GPHN: variants seen among roughly 807,000 people sequenced by gnomAD.
GPHN encodes the protein gephyrin.
In GPHN, 17 loss-of-function variants were observed where a neutral mutation model predicts 95.5. That is an observed-to-expected ratio of 0.18 (90% confidence interval 0.12 to 0.27). The LOEUF (loss-of-function observed/expected upper bound fraction) is 0.27, where lower values mean the gene tolerates loss of function less well. Among genes scored for constraint, GPHN ranks in the 10% least tolerant of loss-of-function variants. GPHN has a pLI of 1.00. For synonymous variants in GPHN, 320 were observed against 322.5 expected, an observed-to-expected ratio of 0.99 and a Z score of 0.08; for missense variants, 660 against 978.1, an observed-to-expected ratio of 0.67 and a Z score of 4.34.
chr14:66,757,170 A>G (rs907032034), intron 2 of GPHN, among the ~76,000 whole-genome samples: 1 of 152,164 alleles, frequency 6.6e-6, no homozygotes, highest in Non-Finnish European at 1.5e-5. Context: ...TGAAAAAATT[A>G]AAACTCATTG....
At chr14:66,592,832 A>G (rs1054555410) in intron 1 of GPHN, among the ~76,000 whole-genome samples, 2 of 152,206 alleles carry the variant, frequency 1.3e-5, no homozygotes, top group South Asian at 2.1e-4. Context: ...TCATTCTACT[A>G]TAAGGACACA....
the GPHN span, chr14:67,203,232 A>G: frequency 6.2e-7 from 1 of 1,612,866 alleles, no homozygotes; most frequent in Non-Finnish European, 8.5e-7. Context: ...CCAAAAAGAT[A>G]CAGAAACCCT....
At chr14:67,147,672 G>A (rs1349437700) in intron 18 of GPHN, among the ~76,000 whole-genome samples, 2 of 152,164 alleles carry the variant, frequency 1.3e-5, no homozygotes, top group African/African-American at 4.8e-5. Context: ...AAAGTGCTGG[G>A]ATTATAGGCG....
intron 19 of GPHN, among the ~76,000 whole-genome samples, chr14:67,163,566 G>T (rs965538774): frequency 6.6e-6 from 1 of 152,050 alleles, no homozygotes; most frequent in Admixed American, 6.5e-5. Context: ...TAGTACTCTT[G>T]TGACCTAACA....
the GPHN span, among the ~76,000 whole-genome samples, chr14:67,603,085 G>GTTTTGTTTTGTTTT: frequency 1.8e-4 from 3 of 16,286 alleles, no homozygotes; most frequent in Admixed American, 5.9e-4. Flanking sequence ...TGTTTTGTTT[G>GTTTTGTTTTGTTTT]AGGCAAGGTC....
chr14:66,889,404 A>G (rs2064357771), intron 5 of GPHN, among the ~76,000 whole-genome samples: 1 of 152,202 alleles, frequency 6.6e-6, no homozygotes, highest in Non-Finnish European at 1.5e-5. Flanking sequence ...ATTGCAAAAT[A>G]GTATATTCTT....
chr14:66,796,007 G>C (rs920821549), intron 3 of GPHN, among the ~76,000 whole-genome samples: 1 of 151,862 alleles, frequency 6.6e-6, no homozygotes, highest in Non-Finnish European at 1.5e-5. Flanking sequence ...CTAGCCTCTG[G>C]TAACCATCTT....
At chr14:67,165,130 A>G (rs548743403) in intron 19 of GPHN, 32 bp from the exon 20 acceptor site, 10 of 1,463,952 alleles carry the variant, frequency 6.8e-6, no homozygotes, top group Admixed American at 3.3e-5. Flanking sequence ...TTGCTTAGCA[A>G]TCACTAACAA....
chr14:66,552,537 C>T (rs1430637751), intron 1 of GPHN, among the ~76,000 whole-genome samples: 1 of 152,116 alleles, frequency 6.6e-6, no homozygotes, highest in East Asian at 1.9e-4. Flanking sequence ...TTCTGTAAGT[C>T]TACATATCCA....
At chr14:67,044,027 A>G (rs909002293) in intron 10 of GPHN, among the ~76,000 whole-genome samples, 1 of 152,010 alleles carries the variant, frequency 6.6e-6, no homozygotes, top group Non-Finnish European at 1.5e-5. Flanking sequence ...TGTTTATACT[A>G]TTATCTGATG....
the GPHN span, chr14:67,442,055 A>G: frequency 2.6e-5 from 4 of 153,132 alleles, no homozygotes; most frequent in Middle Eastern, 1.8e-3. Flanking sequence ...TTAGAAGAAG[A>G]TGACTATAAT....
chr14:67,308,406 C>T, the GPHN span, among the ~76,000 whole-genome samples: 1 of 151,214 alleles, frequency 6.6e-6, no homozygotes, highest in African/African-American at 2.4e-5. Context: ...TTCCATTAAG[C>T]TAATCCCAAA....
At chr14:66,610,058 G>A (rs2062713366) in intron 1 of GPHN, among the ~76,000 whole-genome samples, 1 of 152,100 alleles carries the variant, frequency 6.6e-6, no homozygotes, top group African/African-American at 2.4e-5. Flanking sequence ...GAGTGGGCTG[G>A]TGTTCCTTTA....
At chr14:66,940,018 G>A (rs1304041502) in intron 8 of GPHN, among the ~76,000 whole-genome samples, 1 of 152,096 alleles carries the variant, frequency 6.6e-6, no homozygotes, top group Admixed American at 6.5e-5. Context: ...GGGAGAAGGG[G>A]GACCAAAAGC....
chr14:66,631,883 A>G (rs933649608), intron 1 of GPHN, among the ~76,000 whole-genome samples: 2 of 152,094 alleles, frequency 1.3e-5, no homozygotes, highest in Non-Finnish European at 2.9e-5. Context: ...GTTTCCTATC[A>G]TTGCTTCTAA....
At chr14:66,783,903 TGGGGGA>T (rs2059686500) in intron 3 of GPHN, among the ~76,000 whole-genome samples, 1 of 152,096 alleles carries the variant, frequency 6.6e-6, no homozygotes, top group African/African-American at 2.4e-5. Flanking sequence ...CATTGCGACA[TGGGGGA>T]CATCTGCTAA....
rs537625427 is a variant in GPHN, at chr14:66,708,797, A to T, written c.143+27612A>T. 3.3e-5 allele frequency among the ~76,000 whole-genome samples: 5 copies of T among 152,230 alleles called. No homozygotes were observed. The South Asian group carries it at 1.0e-3, about 32-fold the overall frequency. ...CACATGACATGCTGGACTGTAGATT[A>T]TATGGTTGCATGTTTTTCTTCCACT... On this transcript the variant is annotated intron_variant, in intron 2 of 22. Transcript: ENST00000478722.
chr14:66,913,537 T>C (rs2065772144), intron 5 of GPHN, among the ~76,000 whole-genome samples: 1 of 152,110 alleles, frequency 6.6e-6, no homozygotes, highest in East Asian at 1.9e-4. Flanking sequence ...GAGACAGGGT[T>C]TCACTATATT....
chr14:67,122,276 C>T lies in GPHN; in HGVS notation c.1647C>T (p.Asp549=). ...TGNELLNPED[D]LLPGKIRDSN... is the part of the protein sequence containing the mutation. ...TGTAGCTGCTAAATCCTGAAGATGA[C>T]CTCTTACCAGGGAAGATTCGAGACA... is the stretch of plus-strand genomic sequence containing the variant. Residue 549 remains aspartate, a synonymous_variant, in exon 17 of 23, where the codon GAC becomes GAT. Coordinates refer to ENST00000478722, the MANE Select transcript of GPHN (RefSeq NM_020806.5). 1 of 1,613,310 alleles carries T rather than the reference C, an allele frequency of 6.2e-7. No individual in the cohort carries two copies. Among genetic ancestry groups the T allele is most frequent in the East Asian group, 2.2e-5 (1 of 44,842 alleles).
Sources: allele counts gnomAD v4.1 joint callset (sites outside exome capture counted in the v4.1 genomes callset), GRCh38; gene constraint gnomAD v4.1.1; transcripts MANE v1.5; gene names NCBI Gene and HGNC (gene_info 2026-07-23, HGNC 2026-07-21).